The following MRPL58 variants were observed in gnomAD, a reference collection of about 807,000 sequenced individuals.
MRPL58 encodes the protein large ribosomal subunit protein mL62.
MRPL58 carries 17 observed loss-of-function variants against 26.0 expected under a neutral mutation model. The observed-to-expected ratio is 0.65, with a 90% CI of 0.45 to 0.98. The LOEUF (loss-of-function observed/expected upper bound fraction) is 0.98. Ranked by LOEUF, MRPL58 falls within the 50% of genes least tolerant of loss-of-function variation. MRPL58 has a pLI of 0.00. For missense variants in MRPL58, 250 were observed against 269.0 expected, an observed-to-expected ratio of 0.93 and a Z score of 0.49; for synonymous variants, 100 against 99.7, an observed-to-expected ratio of 1.00 and a Z score of -0.02.
chr17:75,018,774 A>G (rs1242070170), intron 2 of MRPL58: 2 of 152,096 alleles, frequency 1.3e-5, no homozygotes, highest in Non-Finnish European at 2.9e-5. Context: ...GCCTGTAAAG[A>G]AACAATGAGC....
chr17:75,016,780 A>G (rs1468466689), intron 1 of MRPL58, among the ~76,000 whole-genome samples: 1 of 152,178 alleles, frequency 6.6e-6, no homozygotes, highest in Non-Finnish European at 1.5e-5. Flanking sequence ...ATGCATGTGC[A>G]CTGTGGCTCC....
At chr17:75,013,983 CAGAT>C (rs2039952883) in intron 1 of MRPL58, among the ~76,000 whole-genome samples, 1 of 152,032 alleles carries the variant, frequency 6.6e-6, no homozygotes, top group Non-Finnish European at 1.5e-5. Flanking sequence ...TTACAGAGAA[CAGAT>C]AGAGGATGCC....
chr17:75,016,572 A>AAG (rs34357338), intron 1 of MRPL58, among the ~76,000 whole-genome samples: 11,589 of 152,008 alleles, frequency 0.076, 614 homozygotes, highest in African/African-American at 0.15. Flanking sequence ...GAGGAACAGC[A>AAG]AGAGAGAGAG....
chr17:75,013,581 C>G (rs1242188563), intron 1 of MRPL58, among the ~76,000 whole-genome samples: 1 of 152,118 alleles, frequency 6.6e-6, no homozygotes, highest in African/African-American at 2.4e-5. Context: ...TGAGGTAGTA[C>G]TTTGCAGAAA....
At chr17:75,016,762 G>T (rs960371540) in intron 1 of MRPL58, among the ~76,000 whole-genome samples, 1 of 152,226 alleles carries the variant, frequency 6.6e-6, no homozygotes, top group South Asian at 2.1e-4. Context: ...GCTTTTGGAG[G>T]TTCCCTGATG....
rs777058168 is a variant in MRPL58 at position 75,021,032 on chromosome 17, C to T, written c.*27C>T. 4.0e-6 allele frequency: 6 copies of T among 1,505,356 alleles called. No homozygotes were observed. Among genetic ancestry groups the T allele is most frequent in the Non-Finnish European group, 3.7e-6 (4 of 1,080,796 alleles). 93.2% of individuals were successfully genotyped at this position (1,505,356 alleles called of 1,614,324 possible). Reference sequence around the variant, plus strand: ...ATCACCCTCTGCAGCTGGGAGGGCTCTTCTGGGCGTCCGGGCAGCTGCAGC... The same window carrying T: ...ATCACCCTCTGCAGCTGGGAGGGCTTTTCTGGGCGTCCGGGCAGCTGCAGC... On this transcript the variant is annotated 3_prime_UTR_variant, in exon 6 of 6. Transcript: ENST00000301585.
At chr17:75,020,121 G>C (rs1175702127) in intron 3 of MRPL58, 192 bp from the exon 4 acceptor site, 2 of 560,020 alleles carry the variant, frequency 3.6e-6, no homozygotes, top group African/African-American at 3.9e-5. Flanking sequence ...CTTAGTTACT[G>C]GAAGTCTATT....
In MRPL58 at chr17:75,020,582, T is replaced by G; in HGVS notation, c.461T>G (p.Ile154Ser). The G allele has an allele frequency of 6.2e-7, 1 of 1,613,926 alleles. No homozygotes were observed. Among genetic ancestry groups the G allele is most frequent in the Non-Finnish European group, 8.5e-7 (1 of 1,179,992 alleles). ...AATCTGGCAGATTGCCTGCAGAAAA[T>G]TCGAGACATGATCACTGAGGCCAGC... ...FRNLADCLQK[I>S]RDMITEASQT... Residue 154 changes from isoleucine to serine, a missense_variant, in exon 5 of 6, where the codon ATT (isoleucine) becomes AGT (serine). Physicochemically the swap from Ile to Ser is moderately radical, Grantham distance 142. Transcript: ENST00000301585.
At chr17:75,017,977 G>T (rs138232823) in intron 2 of MRPL58, among the ~76,000 whole-genome samples, 115 of 151,770 alleles carry the variant, frequency 7.6e-4, no homozygotes, top group African/African-American at 2.3e-3. Flanking sequence ...ATTCCTTCCA[G>T]ATCTCTCCAG....
chr17:75,012,951 G>A (rs111877081), intron 1 of MRPL58, 79 bp downstream of exon 1: 25,645 of 1,326,480 alleles, frequency 0.019, 1,132 homozygotes, highest in African/African-American at 0.17. Context: ...CCCATTGGCC[G>A]GATGTGGAGC....
chr17:75,019,697 C>T lies in MRPL58; in HGVS notation c.224-3C>T, dbSNP rs373410869. ...TGTGTGTGTACTTTCTTCTGTTTTA[C>T]AGATCGCTTGACAATATCTTATTGT... On this transcript the variant is annotated splice_polypyrimidine_tract_variant and splice_region_variant and intron_variant, in intron 2 of 5. Transcript: ENST00000301585. The T allele has an allele frequency of 1.5e-4, 249 of 1,613,082 alleles. 1 individual carries two copies. The highest frequency in any genetic ancestry group is 9.2e-4 in the Admixed American group (55 of 59,986).
chr17:75,014,843 T>C (rs2039961754), intron 1 of MRPL58, among the ~76,000 whole-genome samples: 1 of 152,208 alleles, frequency 6.6e-6, no homozygotes, highest in South Asian at 2.1e-4. Flanking sequence ...CAATAAAATG[T>C]TTATTGTATA....
At chr17:75,014,064 T>C (rs545916697) in intron 1 of MRPL58, among the ~76,000 whole-genome samples, 1 of 151,990 alleles carries the variant, frequency 6.6e-6, no homozygotes, top group Non-Finnish European at 1.5e-5. Context: ...GTGGAAGCAG[T>C]AGGAGTCATG....
chr17:75,020,159 G>T, intron 3 of MRPL58, 154 bp from the exon 4 acceptor site: 1 of 623,026 alleles, frequency 1.6e-6, no homozygotes. Flanking sequence ...CACTGTCTTT[G>T]CGGGCTTGTT....
In MRPL58 at chr17:75,012,859, C is replaced by A; in HGVS notation, c.173C>A (p.Ala58Asp). 1.2e-6 allele frequency: 2 copies of A among 1,608,930 alleles called. No individual in the cohort carries two copies. Among genetic ancestry groups the A allele is most frequent in the Non-Finnish European group, 1.7e-6 (2 of 1,178,364 alleles). ...LYPESQGSDT[A>D]WRVPNGAKQA... is the part of the protein sequence containing the mutation. ...CCCGAATCTCAGGGCTCGGACACCGCCTGGAGGGTCCCGGTGAGCCGGGAA... is the reference window on the plus strand; with the variant it reads ...CCCGAATCTCAGGGCTCGGACACCGACTGGAGGGTCCCGGTGAGCCGGGAA... The change falls in exon 1 of 6, where the codon GCC becomes GAC. Residue 58 changes from alanine (A) to aspartate (D), a missense_variant. Transcript: ENST00000301585.
chr17:75,019,014 GGT>G (rs1279593780), intron 2 of MRPL58, among the ~76,000 whole-genome samples: 1 of 152,034 alleles, frequency 6.6e-6, no homozygotes, highest in Admixed American at 6.6e-5. Context: ...GAGAGGCTGA[GGT>G]GGAAGGATCC....
At chr17:75,017,012 C>T in intron 1 of MRPL58, 66 bp from the exon 2 acceptor site, 3 of 1,187,924 alleles carry the variant, frequency 2.5e-6, no homozygotes, top group Non-Finnish European at 3.8e-6. Flanking sequence ...TTCTTTGTTG[C>T]CTTGAACCAG....
intron 1 of MRPL58, 137 bp downstream of exon 1, chr17:75,013,009 C>T (rs2039944222): frequency 2.6e-6 from 2 of 759,814 alleles, no homozygotes; most frequent in Non-Finnish European, 4.2e-6. Context: ...GGCTGGCTGT[C>T]TGCGCTAACC....
At chr17:75,018,683 A>G (rs2039993095) in intron 2 of MRPL58, 1 of 152,270 alleles carries the variant, frequency 6.6e-6, no homozygotes, top group Non-Finnish European at 1.5e-5. Flanking sequence ...CAAGAGTGAA[A>G]GACATTTCCA....
Sources: allele counts gnomAD v4.1 joint callset (sites outside exome capture counted in the v4.1 genomes callset), GRCh38; gene constraint gnomAD v4.1.1; transcripts MANE v1.5; gene names NCBI Gene and HGNC (gene_info 2026-07-23, HGNC 2026-07-21).